EFCAB6: variants seen among roughly 807,000 people sequenced by gnomAD.
EFCAB6 encodes the protein EF-hand calcium-binding domain-containing protein 6.
EFCAB6 carries 156 observed loss-of-function variants against 169.8 expected under a neutral mutation model. That is an observed-to-expected ratio of 0.92 (90% CI 0.81 to 1.05). The LOEUF (loss-of-function observed/expected upper bound fraction) is 1.05, where lower values mean the gene tolerates loss of function less well. Among genes scored for constraint, EFCAB6 ranks in the 50% least tolerant of loss-of-function variants. The pLI, the probability that EFCAB6 is intolerant of heterozygous loss-of-function variation, is 0.00. For synonymous variants in EFCAB6, 698 were observed against 676.4 expected, an observed-to-expected ratio of 1.03 and a Z score of -0.50; for missense variants, 1,800 against 1,829.1, an observed-to-expected ratio of 0.98 and a Z score of 0.29.
At chr22:43,682,306 G>A (rs1004066987) in intron 12 of EFCAB6, among the ~76,000 whole-genome samples, 16 of 152,164 alleles carry the variant, frequency 1.1e-4, no homozygotes, top group African/African-American at 1.2e-4. Context: ...TGCCCAGCAC[G>A]GGGGCCCAGC....
intron 20 of EFCAB6, among the ~76,000 whole-genome samples, chr22:43,622,896 A>C (rs191466157): frequency 1.3e-3 from 199 of 152,344 alleles, no homozygotes; most frequent in African/African-American, 4.6e-3. Context: ...AAGAATGTAT[A>C]AAAGAAGACA....
intron 20 of EFCAB6, 75 bp from the exon 21 acceptor site, chr22:43,615,997 T>A: frequency 7.9e-7 from 1 of 1,262,340 alleles, no homozygotes; most frequent in Non-Finnish European, 1.1e-6. Flanking sequence ...GGTTTCCCTA[T>A]CCCCCCTGTT....
In EFCAB6 at chr22:43,608,538, T is replaced by G. The variant is rs1172241600; in HGVS notation, c.2625A>C (p.Ala875=). 6.2e-7 allele frequency: 1 copy of G among 1,614,064 alleles called. No homozygotes were observed. Among genetic ancestry groups the G allele is most frequent in the Non-Finnish European group, 8.5e-7 (1 of 1,180,034 alleles). ...TGAGGGGAATATCAAAACCGTACAGTGCGTTCTTTATGTCCCGGCGTCGAA... is the reference window on the plus strand; with the variant it reads ...TGAGGGGAATATCAAAACCGTACAGGGCGTTCTTTATGTCCCGGCGTCGAA... ...GILRRRDIKN[A]LYGFDIPLTP... is the part of the protein sequence containing the mutation. Residue 875 remains alanine (A), a synonymous_variant, in exon 22 of 32, where the codon GCA becomes GCC. Transcript: ENST00000262726.
chr22:43,600,359 G>A, intron 22 of EFCAB6, 96 bp from the exon 23 acceptor site: 1 of 1,261,748 alleles, frequency 7.9e-7, no homozygotes, highest in Admixed American at 2.0e-5. Flanking sequence ...TCCATGAGGA[G>A]CTCGTCTTCC....
chr22:43,659,185 T>C (rs1227757606), intron 17 of EFCAB6, among the ~76,000 whole-genome samples: 1 of 152,264 alleles, frequency 6.6e-6, no homozygotes, highest in Admixed American at 6.5e-5. Flanking sequence ...TCTGTGACTC[T>C]TACTGTTTGT....
intron 25 of EFCAB6, 28 bp from the exon 26 acceptor site, chr22:43,576,516 G>T (rs1382473554): frequency 6.7e-7 from 1 of 1,495,080 alleles, no homozygotes. Context: ...AAAAAAAGAT[G>T]GCAAATCCTG....
chr22:43,634,764 T>C (rs979803345), intron 18 of EFCAB6, among the ~76,000 whole-genome samples: 2 of 152,128 alleles, frequency 1.3e-5, no homozygotes, highest in African/African-American at 2.4e-5. Context: ...TGCCTGTGTG[T>C]GGTATTGTTA....
intron 2 of EFCAB6, among the ~76,000 whole-genome samples, chr22:43,784,639 G>A (rs368288113): frequency 0.098 from 3,069 of 31,356 alleles, 305 homozygotes; most frequent in East Asian, 0.28. Context: ...ATATGTATAT[G>A]TACACATATA....
intron 2 of EFCAB6, among the ~76,000 whole-genome samples, chr22:43,783,329 A>G (rs1293361405): frequency 6.6e-6 from 1 of 152,198 alleles, no homozygotes; most frequent in Non-Finnish European, 1.5e-5. Context: ...GCGCCCACAT[A>G]TTCTTGGGAA....
chr22:43,529,095 A>G, intron 31 of EFCAB6, 120 bp from the exon 32 acceptor site: 1 of 1,202,688 alleles, frequency 8.3e-7, no homozygotes, highest in South Asian at 1.8e-5. Flanking sequence ...TTCCGATGTC[A>G]GCCTCCCATC....
intron 8 of EFCAB6, 47 bp from the exon 9 acceptor site, chr22:43,717,019 A>C (rs2059354838): frequency 7.1e-7 from 1 of 1,417,244 alleles, no homozygotes; most frequent in East Asian, 2.6e-5. Context: ...TCAAAGGTTA[A>C]ACATTTAAAT....
chr22:43,739,790 G>A (rs979186809), intron 6 of EFCAB6, among the ~76,000 whole-genome samples: 6 of 139,658 alleles, frequency 4.3e-5, no homozygotes, highest in Non-Finnish European at 6.2e-5. Flanking sequence ...CCCCCACCCC[G>A]CTTCTCCCCG....
intron 17 of EFCAB6, 147 bp from the exon 18 acceptor site, chr22:43,635,363 G>A (rs928070012): frequency 2.2e-5 from 14 of 645,042 alleles, no homozygotes; most frequent in African/African-American, 7.2e-5. Context: ...CAGGGGGTGG[G>A]ACCGAGTCTC....
chr22:43,783,806 C>T (rs753268950), intron 2 of EFCAB6, among the ~76,000 whole-genome samples: 1 of 152,044 alleles, frequency 6.6e-6, no homozygotes, highest in Non-Finnish European at 1.5e-5. Context: ...CTCTGTAATC[C>T]CAGCATTTTG....
rs758482249 is a variant in EFCAB6 at position 43,743,714 on chromosome 22, T to C, written c.508-7721A>G. Among the ~76,000 whole-genome samples, 30 of 152,248 alleles carry C rather than the reference T, an allele frequency of 2.0e-4. 1 individual carries two copies. The South Asian group carries it at 5.4e-3, about 27-fold the overall frequency. On this transcript the variant is annotated intron_variant, in intron 6 of 31. Transcript: ENST00000262726. Reference sequence around the variant, plus strand: ...TATTAAGCGGCTGAAACGGCATTACTCTCCCCAACCCCAGTCCCTCCTTCA... The same window carrying C: ...TATTAAGCGGCTGAAACGGCATTACCCTCCCCAACCCCAGTCCCTCCTTCA...
intron 2 of EFCAB6, among the ~76,000 whole-genome samples, chr22:43,786,388 G>T (rs148344144): frequency 6.6e-6 from 1 of 151,888 alleles, no homozygotes; most frequent in African/African-American, 2.4e-5. Flanking sequence ...ATCCTATGAC[G>T]CCAGTATTAC....
intron 20 of EFCAB6, among the ~76,000 whole-genome samples, chr22:43,618,906 CTCTCT>C (rs1030403453): frequency 2.0e-4 from 6 of 30,372 alleles, no homozygotes; most frequent in African/African-American, 1.1e-3. Context: ...AATTTTCTCT[CTCTCT>C]TTTTTTTTTT....
At chr22:43,595,707 A>T (rs1389660600) in intron 23 of EFCAB6, among the ~76,000 whole-genome samples, 1 of 151,556 alleles carries the variant, frequency 6.6e-6, no homozygotes, top group African/African-American at 2.4e-5. Context: ...AAACTTTTTC[A>T]AAAAAATTGA....
intron 27 of EFCAB6, among the ~76,000 whole-genome samples, chr22:43,547,284 A>T (rs1230462492): frequency 1.3e-5 from 2 of 152,204 alleles, no homozygotes; most frequent in African/African-American, 4.8e-5. Context: ...ACAAAACCTT[A>T]AAAGCCAATT....
Sources: allele counts gnomAD v4.1 joint callset (sites outside exome capture counted in the v4.1 genomes callset), GRCh38; gene constraint gnomAD v4.1.1; transcripts MANE v1.5; gene names NCBI Gene and HGNC (gene_info 2026-07-23, HGNC 2026-07-21).